AGO3: variants seen among roughly 807,000 people sequenced by gnomAD.
The protein encoded by AGO3 is argonaute RISC catalytic component 3, also known as protein argonaute-3.
Under a neutral mutation model 105.5 loss-of-function variants are expected in AGO3, and 16 were observed. The observed-to-expected ratio is 0.15, with a 90% CI of 0.10 to 0.23. The LOEUF (loss-of-function observed/expected upper bound fraction) is 0.23. AGO3 is among the 10% of genes least tolerant of loss of function. AGO3 has a pLI of 1.00. For missense variants in AGO3, 534 were observed against 1,088.0 expected (o/e 0.49, Z 7.16); for synonymous variants, 340 against 367.3 (o/e 0.93, Z 0.85).
chr1:35,979,955 A>G (rs1647022618), intron 5 of AGO3, among the ~76,000 whole-genome samples: 1 of 152,146 alleles, frequency 6.6e-6, no homozygotes. Context: ...AGTCACAACC[A>G]TTGGTCATGG....
At chr1:35,944,884 ACT>A (rs1646332789) in intron 1 of AGO3, among the ~76,000 whole-genome samples, 1 of 151,152 alleles carries the variant, frequency 6.6e-6, no homozygotes, top group African/African-American at 2.4e-5. Flanking sequence ...CGCATTGCAA[ACT>A]CTGCCTCACA....
At chr1:35,978,050 A>C (rs897220972) in intron 5 of AGO3, among the ~76,000 whole-genome samples, 1 of 152,208 alleles carries the variant, frequency 6.6e-6, no homozygotes, top group Non-Finnish European at 1.5e-5. Flanking sequence ...TAGTCTTCCC[A>C]ATTAATGAAT....
At chr1:36,009,735 A>C in intron 9 of AGO3, 141 bp downstream of exon 9, 1 of 895,774 alleles carries the variant, frequency 1.1e-6, no homozygotes, top group Non-Finnish European at 1.6e-6. Context: ...AAGTAATCTA[A>C]TGTTCTTGAT....
intron 1 of AGO3, among the ~76,000 whole-genome samples, chr1:35,934,535 AAATC>A (rs1266421267): frequency 5.9e-5 from 9 of 152,234 alleles, no homozygotes; most frequent in African/African-American, 1.7e-4. Context: ...AGCTAGAACT[AAATC>A]AAGATTGGGA....
chr1:35,966,453 T>C (rs920233584), intron 2 of AGO3, among the ~76,000 whole-genome samples: 1 of 152,210 alleles, frequency 6.6e-6, no homozygotes, highest in Non-Finnish European at 1.5e-5. Context: ...ATATCCTTAC[T>C]AGCTAGGTAC....
At chr1:36,005,691 A>G in intron 6 of AGO3, 1 of 984,526 alleles carries the variant, frequency 1.0e-6, no homozygotes, top group Non-Finnish European at 1.2e-6. Context: ...TAACTATGCA[A>G]TCAACTCATA....
chr1:36,042,983 A>G (rs1023436656), intron 16 of AGO3, among the ~76,000 whole-genome samples: 17 of 152,218 alleles, frequency 1.1e-4, no homozygotes, highest in Admixed American at 1.0e-3. Flanking sequence ...TAATGTGTTC[A>G]AAGTGCCTGA....
chr1:36,032,291 G>T (rs2148840418), intron 12 of AGO3, among the ~76,000 whole-genome samples: 1 of 152,118 alleles, frequency 6.6e-6, no homozygotes. Context: ...CTTTGATTTT[G>T]CATTTTCCTA....
chr1:35,937,527 T>G (rs200456620), intron 1 of AGO3, among the ~76,000 whole-genome samples: 1 of 151,854 alleles, frequency 6.6e-6, no homozygotes, highest in Non-Finnish European at 1.5e-5. Context: ...CCCATCTCTA[T>G]TAAAAATACA....
intron 5 of AGO3, among the ~76,000 whole-genome samples, chr1:35,987,348 C>A (rs1647227633): frequency 6.7e-6 from 1 of 148,868 alleles, no homozygotes; most frequent in Non-Finnish European, 1.5e-5. Context: ...AAAAAATTAG[C>A]CTGGCATGGT....
intron 5 of AGO3, among the ~76,000 whole-genome samples, chr1:35,996,724 T>C (rs1329522317): frequency 2.0e-5 from 3 of 151,148 alleles, no homozygotes. Flanking sequence ...TGAGCCAAGA[T>C]TGCACCGTTG....
At chr1:35,980,566 C>T (rs1647035032) in intron 5 of AGO3, among the ~76,000 whole-genome samples, 1 of 152,128 alleles carries the variant, frequency 6.6e-6, no homozygotes, top group Non-Finnish European at 1.5e-5. Flanking sequence ...ATGAATAAGG[C>T]CTGAGTTATC....
intron 2 of AGO3, among the ~76,000 whole-genome samples, chr1:35,958,101 G>A (rs1646604453): frequency 1.3e-5 from 2 of 150,308 alleles, no homozygotes; most frequent in African/African-American, 4.9e-5. Flanking sequence ...AATTTGTCCT[G>A]GCCAGGCGTG....
chr1:35,975,992 A>G (rs1646950900), intron 5 of AGO3, among the ~76,000 whole-genome samples: 8 of 150,908 alleles, frequency 5.3e-5, no homozygotes, highest in African/African-American at 4.9e-5. Flanking sequence ...CTGGAGTACA[A>G]TGGAGTGATC....
At chr1:36,035,174 C>T (rs544456943) in intron 13 of AGO3, among the ~76,000 whole-genome samples, 21 of 151,950 alleles carry the variant, frequency 1.4e-4, no homozygotes, top group Non-Finnish European at 2.8e-4. Context: ...AGATGAGATC[C>T]GTAAATGAGA....
chr1:36,034,472 G>T (rs1420171831), intron 13 of AGO3, 139 bp downstream of exon 13: 1 of 577,664 alleles, frequency 1.7e-6, no homozygotes, highest in Non-Finnish European at 2.5e-6. Context: ...AGACATTTTG[G>T]TAAAAAAATA....
chr1:35,963,886 A>C (rs1379116683), intron 2 of AGO3, among the ~76,000 whole-genome samples: 7 of 152,126 alleles, frequency 4.6e-5, no homozygotes, highest in Non-Finnish European at 1.0e-4. Context: ...CTATTAATTA[A>C]AGAGGAGTAG....
chr1:35,935,302 T>C (rs1646129558), intron 1 of AGO3, among the ~76,000 whole-genome samples: 1 of 152,258 alleles, frequency 6.6e-6, no homozygotes, highest in Non-Finnish European at 1.5e-5. Flanking sequence ...AACCTTCAAA[T>C]ATAATTCAGT....
At chr1:35,999,110 T>C (rs190567945) in intron 5 of AGO3, among the ~76,000 whole-genome samples, 3 of 152,270 alleles carry the variant, frequency 2.0e-5, no homozygotes, top group African/African-American at 7.2e-5. Flanking sequence ...CCCAGCACTT[T>C]GGGAGGCCAA....
Sources: gnomAD v4.1 joint callset for allele counts (sites outside exome capture counted in the v4.1 genomes callset) on GRCh38, gnomAD v4.1.1 for gene constraint, MANE v1.5 for transcripts, NCBI Gene and HGNC (gene_info 2026-07-23, HGNC 2026-07-21) for gene names.